The following MAPK10 variants were observed in gnomAD, a reference collection of about 807,000 sequenced individuals.
The protein encoded by MAPK10 is mitogen-activated protein kinase 10, also known as JNK3 alpha protein kinase.
MAPK10 carries 25 observed loss-of-function variants against 59.3 expected under a neutral mutation model. That is an observed-to-expected ratio of 0.42 (90% CI 0.31 to 0.59). The LOEUF (loss-of-function observed/expected upper bound fraction) is 0.59, where lower values mean the gene tolerates loss of function less well. MAPK10 is among the 20% of genes least tolerant of loss of function. The pLI is 0.15. For synonymous variants in MAPK10, 190 were observed against 200.5 expected, an observed-to-expected ratio of 0.95 and a Z score of 0.44; for missense variants, 351 against 568.9, an observed-to-expected ratio of 0.62 and a Z score of 3.90.
In MAPK10 at chr4:86,408,801, G is replaced by A. The variant is rs573750032; in HGVS notation, c.-122+44229C>T. Among the ~76,000 whole-genome samples the A allele has an allele frequency of 5.3e-4, 81 of 152,222 alleles. 1 individual carries two copies. The highest frequency in any genetic ancestry group is 1.8e-3 in the African/African-American group (75 of 41,538). On this transcript the variant is annotated intron_variant, in intron 1 of 13. Transcript: ENST00000361569. ...AGTTCTTTGTAGATTCTGGATATTA[G>A]TCCTTTGTCAGATGGGTAGATTGCA... is the stretch of plus-strand genomic sequence containing the variant.
intron 1 of MAPK10, among the ~76,000 whole-genome samples, chr4:86,375,520 A>G (rs1439512115): frequency 6.6e-6 from 1 of 152,048 alleles, no homozygotes; most frequent in Non-Finnish European, 1.5e-5. Context: ...CAAGAGTTCA[A>G]GACAAGTCTG....
intron 2 of MAPK10, among the ~76,000 whole-genome samples, chr4:86,209,484 A>C (rs2085173755): frequency 6.6e-6 from 1 of 152,074 alleles, no homozygotes; most frequent in Admixed American, 6.6e-5. Context: ...CAGTATGAAG[A>C]AAGCCCACAC....
chr4:86,521,529 G>A (rs1052615424), intron 1 of MAPK10, among the ~76,000 whole-genome samples: 3 of 152,176 alleles, frequency 2.0e-5, no homozygotes, highest in African/African-American at 7.2e-5. Flanking sequence ...ATGTTCCCAG[G>A]GGGATTATGG....
intron 1 of MAPK10, among the ~76,000 whole-genome samples, chr4:86,485,152 CT>C (rs944648122): frequency 9.9e-5 from 15 of 152,050 alleles, no homozygotes; most frequent in African/African-American, 3.6e-4. Flanking sequence ...CTCCCTTTTA[CT>C]TTTTTCTTCT....
chr4:86,194,758 A>C (rs1219618386), intron 2 of MAPK10, among the ~76,000 whole-genome samples: 2 of 151,808 alleles, frequency 1.3e-5, no homozygotes, highest in Non-Finnish European at 2.9e-5. Context: ...GCTCAACAGG[A>C]TATATATATT....
intron 11 of MAPK10, among the ~76,000 whole-genome samples, chr4:86,059,615 C>T (rs975405911): frequency 5.9e-5 from 9 of 152,186 alleles, no homozygotes; most frequent in Non-Finnish European, 1.5e-5. Flanking sequence ...AACCCTGTCC[C>T]AATTCCCAAA....
At chr4:86,184,118 T>C (rs1211152479) in intron 3 of MAPK10, among the ~76,000 whole-genome samples, 1 of 152,204 alleles carries the variant, frequency 6.6e-6, no homozygotes, top group East Asian at 1.9e-4. Flanking sequence ...GTAGTTTCTT[T>C]TGCTGTGCAG....
chr4:86,258,467 A>C (rs1425373869), intron 2 of MAPK10, among the ~76,000 whole-genome samples: 1 of 152,180 alleles, frequency 6.6e-6, no homozygotes, highest in Non-Finnish European at 1.5e-5. Context: ...AATTATGTTC[A>C]AAATCTTTAG....
chr4:86,223,124 A>C (rs889274524), intron 2 of MAPK10, among the ~76,000 whole-genome samples: 5 of 152,092 alleles, frequency 3.3e-5, no homozygotes, highest in Admixed American at 3.3e-4. Context: ...CTGCATTACA[A>C]ATTTTACTTT....
At chr4:86,402,886 C>A (rs1743902817) in intron 1 of MAPK10, among the ~76,000 whole-genome samples, 1 of 152,138 alleles carries the variant, frequency 6.6e-6, no homozygotes, top group Admixed American at 6.6e-5. Flanking sequence ...ATGGCCTGGG[C>A]TCAAATGCAA....
At chr4:86,562,311 A>T (rs1001011495) in intron 1 of MAPK10, among the ~76,000 whole-genome samples, 2 of 151,972 alleles carry the variant, frequency 1.3e-5, no homozygotes, top group Non-Finnish European at 2.9e-5. Flanking sequence ...TCAAGGGTTA[A>T]TACTTTTGGA....
chr4:86,365,431 CAAAAAAAAAAAAA>C (rs70948789), intron 1 of MAPK10, among the ~76,000 whole-genome samples: 661 of 32,410 alleles, frequency 0.02, 10 homozygotes, highest in African/African-American at 0.073. Context: ...GACTCTGTCT[CAAAAAAAAAAAAA>C]AAAAAAAAAA....
At chr4:86,411,657 C>T (rs372384850) in intron 1 of MAPK10, among the ~76,000 whole-genome samples, 2 of 152,164 alleles carry the variant, frequency 1.3e-5, no homozygotes, top group Non-Finnish European at 2.9e-5. Context: ...TATGTAATGG[C>T]CTTCTTTGTC....
intron 2 of MAPK10, among the ~76,000 whole-genome samples, chr4:86,202,816 T>C (rs777514013): frequency 1.3e-5 from 2 of 152,008 alleles, no homozygotes; most frequent in Admixed American, 6.6e-5. Context: ...TCTTTCCTAG[T>C]TTGCATTACA....
At chr4:86,314,346 G>A (rs186110171) in intron 2 of MAPK10, among the ~76,000 whole-genome samples, 1 of 152,244 alleles carries the variant, frequency 6.6e-6, no homozygotes, top group Admixed American at 6.5e-5. Context: ...GAGGAACCCG[G>A]TGGGAGATAA....
chr4:86,480,228 G>A (rs1036786813), intron 1 of MAPK10, among the ~76,000 whole-genome samples: 3 of 151,974 alleles, frequency 2.0e-5, no homozygotes, highest in East Asian at 3.9e-4. Flanking sequence ...GAAAATGGCC[G>A]GTCCTTGCCT....
At chr4:86,360,125 T>G (rs1736616689), upstream of MAPK10, 1 of 985,686 alleles carries the variant, frequency 1.0e-6, no homozygotes, top group South Asian at 4.7e-5. Context: ...GGAGCACACA[T>G]GACGTCAAAG....
At chr4:86,504,173 G>A (rs190393066) in intron 1 of MAPK10, among the ~76,000 whole-genome samples, 55 of 152,172 alleles carry the variant, frequency 3.6e-4, no homozygotes, top group Admixed American at 1.3e-3. Flanking sequence ...TAAAATATAA[G>A]CACCCTGAGG....
Position 86,360,036 on chromosome 4 carries a change from T to C in MAPK10, c.-500A>G, listed in dbSNP as rs992866228. 8.1e-6 allele frequency: 8 copies of C among 985,824 alleles called. No homozygotes were observed. Among genetic ancestry groups the C allele is most frequent in the Non-Finnish European group, 9.6e-6 (8 of 829,940 alleles). The allele number at this position is 985,824 out of a possible 1,614,324, so 61.1% of individuals were successfully genotyped here. ...GCCTGGAAACCATTGTGCAGCGTGA[T>C]GCTGCCTGTACCATTGTGGAACCTA... is the stretch of plus-strand genomic sequence containing the variant. On this transcript the variant is annotated 5_prime_UTR_variant, in exon 1 of 14. Transcript: ENST00000641462.
Sources: allele counts gnomAD v4.1 joint callset (sites outside exome capture counted in the v4.1 genomes callset), GRCh38; gene constraint gnomAD v4.1.1; transcripts MANE v1.5; gene names NCBI Gene and HGNC (gene_info 2026-07-23, HGNC 2026-07-21).